The following LEKR1 variants were observed in gnomAD, a reference collection of about 807,000 sequenced individuals.
The protein encoded by LEKR1 is protein LEKR1.
Under a neutral mutation model 72.4 loss-of-function variants are expected in LEKR1, and 59 were observed. The observed-to-expected ratio is 0.82, with a 90% CI of 0.66 to 1.01. The LOEUF (loss-of-function observed/expected upper bound fraction) is 1.01, where lower values mean the gene tolerates loss of function less well. LEKR1 is among the 50% of genes least tolerant of loss of function. The probability of loss-of-function intolerance (pLI) is 0.00; values close to 1 mark genes in which losing one functional copy is unlikely to be tolerated. For synonymous variants in LEKR1, 257 were observed against 263.2 expected, an observed-to-expected ratio of 0.98 and a Z score of 0.23; for missense variants, 728 against 759.2, an observed-to-expected ratio of 0.96 and a Z score of 0.48.
intron 5 of LEKR1, among the ~76,000 whole-genome samples, chr3:156,931,196 C>T (rs1406155173): frequency 6.6e-6 from 1 of 152,018 alleles, no homozygotes; most frequent in Non-Finnish European, 1.5e-5. Context: ...GCCTACAAGT[C>T]AATAATAAAA....
intron 5 of LEKR1, among the ~76,000 whole-genome samples, chr3:156,939,999 C>G (rs1164127054): frequency 6.6e-6 from 1 of 152,054 alleles, no homozygotes; most frequent in Admixed American, 6.6e-5. Context: ...AACTGCCTAT[C>G]CTACTCTGAC....
chr3:156,896,884 CAT>C (rs1176205592), intron 3 of LEKR1, among the ~76,000 whole-genome samples: 1 of 152,162 alleles, frequency 6.6e-6, no homozygotes, highest in African/African-American at 2.4e-5. Context: ...AGAACACAAT[CAT>C]GTCCTTTGCA....
chr3:156,834,373 T>G (rs1291887738), intron 2 of LEKR1, among the ~76,000 whole-genome samples: 1 of 152,212 alleles, frequency 6.6e-6, no homozygotes, highest in East Asian at 1.9e-4. Flanking sequence ...TTTTACAACT[T>G]GCTTAAACCT....
intron 7 of LEKR1, among the ~76,000 whole-genome samples, chr3:156,988,924 C>T (rs543796592): frequency 6.4e-4 from 98 of 152,168 alleles, no homozygotes; most frequent in Admixed American, 1.1e-3. Flanking sequence ...CTCCGCCTCC[C>T]GGGTTGACTC....
At chr3:156,943,885 A>G (rs1417243356) in intron 6 of LEKR1, among the ~76,000 whole-genome samples, 1 of 151,894 alleles carries the variant, frequency 6.6e-6, no homozygotes, top group Admixed American at 6.6e-5. Flanking sequence ...AAAATTTAAA[A>G]TAATCATATA....
intron 10 of LEKR1, among the ~76,000 whole-genome samples, chr3:157,020,987 G>A (rs1420770083): frequency 6.6e-6 from 1 of 151,510 alleles, no homozygotes; most frequent in East Asian, 1.9e-4. Flanking sequence ...GGTGGGAGAT[G>A]GTATCTCATT....
chr3:156,978,266 C>T (rs1051663271), intron 6 of LEKR1, among the ~76,000 whole-genome samples: 2 of 151,946 alleles, frequency 1.3e-5, no homozygotes, highest in East Asian at 1.9e-4. Context: ...TTAAGAATGC[C>T]GATTTATATA....
At chr3:156,884,006 C>T (rs991517399) in intron 3 of LEKR1, among the ~76,000 whole-genome samples, 1 of 152,118 alleles carries the variant, frequency 6.6e-6, no homozygotes, top group Non-Finnish European at 1.5e-5. Context: ...TCTTACTGGA[C>T]TATTTTTTAC....
chr3:156,838,962 G>C lies in LEKR1; in HGVS notation c.48+9585G>C, dbSNP rs147886266. On this transcript the variant is annotated intron_variant, in intron 2 of 12. Coordinates refer to ENST00000356539, the MANE Select transcript of LEKR1 (RefSeq NM_001004316.3). ...ATGGCCATGCCACAGAGGAGATGGA[G>C]TTATTACTCAAATCAATCTCCTAAA... Among the ~76,000 whole-genome samples, 212 of 152,228 alleles carry C rather than the reference G, an allele frequency of 1.4e-3. 5 individuals are homozygous for C. In the East Asian group the frequency reaches 0.033, roughly 23 times the overall value.
chr3:157,029,634 G>T (rs1032659387), intron 12 of LEKR1, among the ~76,000 whole-genome samples: 4 of 152,142 alleles, frequency 2.6e-5, no homozygotes, highest in African/African-American at 9.7e-5. Flanking sequence ...TTGTTACACA[G>T]CAGCTCAGTC....
chr3:156,936,245 C>T (rs1204315879), intron 5 of LEKR1, among the ~76,000 whole-genome samples: 4 of 151,988 alleles, frequency 2.6e-5, no homozygotes, highest in Admixed American at 6.6e-5. Flanking sequence ...GGAGAAGGGC[C>T]GCACAAACCA....
At chr3:156,934,196 C>T (rs1432850338) in intron 5 of LEKR1, among the ~76,000 whole-genome samples, 3 of 152,164 alleles carry the variant, frequency 2.0e-5, no homozygotes, top group Non-Finnish European at 2.9e-5. Context: ...TACTGCCAGT[C>T]TCCTCCTACT....
intron 3 of LEKR1, among the ~76,000 whole-genome samples, chr3:156,878,469 T>A (rs953783482): frequency 3.9e-5 from 6 of 152,230 alleles, no homozygotes; most frequent in Admixed American, 2.6e-4. Context: ...TCCAGTTTTA[T>A]TCCACTGTGG....
intron 7 of LEKR1, among the ~76,000 whole-genome samples, chr3:156,982,314 G>C (rs186265721): frequency 6.6e-6 from 1 of 152,068 alleles, no homozygotes; most frequent in Non-Finnish European, 1.5e-5. Context: ...CCCTATAATC[G>C]CAAGATGGCT....
intron 3 of LEKR1, among the ~76,000 whole-genome samples, chr3:156,904,940 A>G (rs1329708673): frequency 6.6e-6 from 1 of 152,152 alleles, no homozygotes; most frequent in Non-Finnish European, 1.5e-5. Context: ...TAAATATTAA[A>G]GAAACAGGAA....
chr3:156,829,218 A>G, intron 1 of LEKR1, 68 bp from the exon 2 acceptor site: 1 of 650,552 alleles, frequency 1.5e-6, no homozygotes, highest in Non-Finnish European at 2.7e-6. Flanking sequence ...CTAGGAGTTT[A>G]TAAAGCATCT....
At chr3:156,888,476 G>T (rs1720331522) in intron 3 of LEKR1, 2 of 679,576 alleles carry the variant, frequency 2.9e-6, no homozygotes, top group East Asian at 5.4e-5. Context: ...TGAAGTCAAT[G>T]GATTTATTAT....
At chr3:156,850,454 T>G (rs1393350749) in intron 2 of LEKR1, among the ~76,000 whole-genome samples, 4 of 152,136 alleles carry the variant, frequency 2.6e-5, no homozygotes, top group African/African-American at 9.7e-5. Context: ...CAAGAGGGTC[T>G]GAAGTGAGGA....
chr3:156,942,855 TGGTGATAA>T, intron 6 of LEKR1, 141 bp downstream of exon 6: 1 of 339,002 alleles, frequency 2.9e-6, no homozygotes. Context: ...AGTATCACTA[TGGTGATAA>T]CTGTGTCTGT....
Sources: gnomAD v4.1 joint callset for allele counts (sites outside exome capture counted in the v4.1 genomes callset) on GRCh38, gnomAD v4.1.1 for gene constraint, MANE v1.5 for transcripts, NCBI Gene and HGNC (gene_info 2026-07-23, HGNC 2026-07-21) for gene names.